Variants in ADGRV1 observed in about 807,000 individuals in gnomAD.
ADGRV1 encodes the protein G-protein coupled receptor 98.
In ADGRV1, 359 loss-of-function variants were observed where a neutral mutation model predicts 596.2. The observed-to-expected ratio is 0.60, with a 90% CI of 0.55 to 0.66. The LOEUF (loss-of-function observed/expected upper bound fraction) is 0.66, where lower values mean the gene tolerates loss of function less well. Among genes scored for constraint, ADGRV1 ranks in the 30% least tolerant of loss-of-function variants. The pLI, the probability that ADGRV1 is intolerant of heterozygous loss-of-function variation, is 0.00. For synonymous variants in ADGRV1, 2,681 were observed against 2,679.2 expected (o/e 1.00, Z -0.02); for missense variants, 7,274 against 7,575.6 (o/e 0.96, Z 1.48).
chr5:90,607,138 G>A (rs1315969831), intron 1 of ADGRV1, among the ~76,000 whole-genome samples: 1 of 152,158 alleles, frequency 6.6e-6, no homozygotes, highest in East Asian at 1.9e-4. Flanking sequence ...GGAAACAGTT[G>A]CAACTCAGTT....
chr5:90,821,821 C>G (rs1763548868), intron 75 of ADGRV1, among the ~76,000 whole-genome samples: 1 of 151,976 alleles, frequency 6.6e-6, no homozygotes, highest in Non-Finnish European at 1.5e-5. Context: ...CTCTTCAAAG[C>G]TGTCAGACAG....
At chr5:90,712,480 T>C (rs2149723078) in intron 42 of ADGRV1, 52 bp downstream of exon 42, 3 of 1,322,464 alleles carry the variant, frequency 2.3e-6, no homozygotes, top group Non-Finnish European at 3.2e-6. Flanking sequence ...CTGGGTTCCT[T>C]AATATGGGGG....
At chr5:90,615,256 T>A (rs1763224511) in intron 2 of ADGRV1, among the ~76,000 whole-genome samples, 1 of 151,986 alleles carries the variant, frequency 6.6e-6, no homozygotes, top group Non-Finnish European at 1.5e-5. Context: ...CATTTTGTAG[T>A]GTTCATATAT....
At chr5:90,814,895 A>G (rs1374919378) in intron 74 of ADGRV1, among the ~76,000 whole-genome samples, 3 of 152,050 alleles carry the variant, frequency 2.0e-5, no homozygotes, top group African/African-American at 7.2e-5. Context: ...ATGCAGTGGT[A>G]TTTCTCTAGT....
At chr5:90,909,854 T>A (rs1772689984) in intron 83 of ADGRV1, among the ~76,000 whole-genome samples, 1 of 152,182 alleles carries the variant, frequency 6.6e-6, no homozygotes, top group African/African-American at 2.4e-5. Flanking sequence ...AGAAATACAG[T>A]TATTTAAAAT....
chr5:90,879,937 C>T (rs897374084), intron 83 of ADGRV1, among the ~76,000 whole-genome samples: 11 of 151,560 alleles, frequency 7.3e-5, no homozygotes, highest in South Asian at 2.1e-4. Context: ...GGTGACAGAG[C>T]GAAACTCTGT....
At chr5:90,938,156 T>G (rs1339254374) in intron 83 of ADGRV1, among the ~76,000 whole-genome samples, 1 of 152,146 alleles carries the variant, frequency 6.6e-6, no homozygotes, top group Non-Finnish European at 1.5e-5. Flanking sequence ...ATTGTGCATC[T>G]TGAACTGAGA....
At position 90,778,581 on chromosome 5, in the gene ADGRV1, A is replaced by G; in HGVS notation, c.12821A>G (p.Glu4274Gly). The G allele has an allele frequency of 6.2e-7, 1 of 1,602,970 alleles. No individual in the cohort carries two copies. The highest frequency in any genetic ancestry group is 8.5e-7 in the Non-Finnish European group (1 of 1,173,644). Residue 4274 changes from glutamate (E) to glycine (G), a missense_variant, in exon 63 of 90, where the codon GAG (glutamate) becomes GGG (glycine). Physicochemically the swap from Glu to Gly is moderately conservative, Grantham distance 98. Around this residue, in one of 5 missense-constraint regions of ADGRV1, gnomAD observed 3,643 missense variants for 3,809.2 expected, o/e 0.96. Coordinates refer to ENST00000405460, the MANE Select transcript of ADGRV1 (RefSeq NM_032119.4). ...SPYGRFAFSH[E>G]QLRVSEAQRV... Reference sequence around the variant, plus strand: ...TATGGCCGATTTGCCTTTTCACATGAGCAACTTCGAGTGTCAGAAGCACAG... The same window carrying G: ...TATGGCCGATTTGCCTTTTCACATGGGCAACTTCGAGTGTCAGAAGCACAG...
At chr5:90,747,386 C>T (rs975245669) in intron 52 of ADGRV1, among the ~76,000 whole-genome samples, 7 of 152,002 alleles carry the variant, frequency 4.6e-5, no homozygotes, top group Admixed American at 3.3e-4. Context: ...TAAGAAGACT[C>T]GCAGGACCTA....
chr5:90,642,642 C>T lies in ADGRV1; in HGVS notation c.2247C>T (p.Asn749=), dbSNP rs558647907. The change falls in exon 12 of 90, where the codon AAC becomes AAT. Residue 749 remains asparagine, a synonymous_variant. Transcript: ENST00000405460. The stretch of plus-strand genomic sequence containing the variant: ...GTCTCTCTGACTTCTCTAGGGTTAA[C>T]GTGGAAAACCAAGTGCTGAAATCTG... ...ETVTLSLDRV[N]VENQVLKSGY... 1.5e-4 allele frequency: 234 copies of T among 1,612,958 alleles called. 3 individuals carry two copies. In the South Asian group the frequency reaches 2.3e-3, roughly 16 times the overall value.
Position 90,728,722 on chromosome 5 carries a change from A to G in ADGRV1, c.10215A>G (p.Arg3405=). The change falls in exon 49 of 90, where the codon CGA becomes CGG. Residue 3405 remains arginine (R), a synonymous_variant. Coordinates refer to ENST00000405460, the MANE Select transcript of ADGRV1 (RefSeq NM_032119.4). ...SFVLHQKLPV[R]GVLTVALFNK... The stretch of plus-strand genomic sequence containing the variant: ...TGTTGCATCAAAAACTCCCTGTCCG[A>G]GGTGTGCTGACCGTGGCCTTGTTCA... 1 of 1,613,738 alleles carries G rather than the reference A, an allele frequency of 6.2e-7. No homozygotes were observed.
chr5:90,668,272 T>C (rs11739825), intron 21 of ADGRV1, among the ~76,000 whole-genome samples: 9,399 of 151,694 alleles, frequency 0.062, 414 homozygotes, highest in Non-Finnish European at 0.089. Context: ...ACTCCATGGG[T>C]GTAGGACCCT....
intron 85 of ADGRV1, among the ~76,000 whole-genome samples, chr5:91,000,468 T>C (rs1781761141): frequency 6.6e-6 from 1 of 152,188 alleles, no homozygotes; most frequent in South Asian, 2.1e-4. Flanking sequence ...TATGAAACTG[T>C]CTTCCAGAAA....
chr5:90,801,828 G>A (rs1761407864), intron 70 of ADGRV1, among the ~76,000 whole-genome samples: 1 of 152,180 alleles, frequency 6.6e-6, no homozygotes, highest in South Asian at 2.1e-4. Context: ...TGTGCTGTAA[G>A]TTTCAAAAAT....
chr5:90,991,134 A>C (rs903558226), intron 85 of ADGRV1, among the ~76,000 whole-genome samples: 3 of 152,202 alleles, frequency 2.0e-5, no homozygotes, highest in African/African-American at 7.2e-5. Flanking sequence ...GAGGACAATG[A>C]AGACATTACT....
In ADGRV1 at chr5:90,651,608, T is replaced by A; in HGVS notation, c.3294T>A (p.Asp1098Glu). 1 of 1,563,482 alleles carries A rather than the reference T, an allele frequency of 6.4e-7. No homozygotes were observed. Among genetic ancestry groups the A allele is most frequent in the Non-Finnish European group, 8.8e-7 (1 of 1,140,204 alleles). The change falls in exon 18 of 90, where the codon GAT becomes GAA. Residue 1098 changes from aspartate to glutamate, a missense_variant. Transcript: ENST00000405460. ...FYIILLNSTG[D>E]TVVYQYGVAT... ...TCTTTTCCACTTTTAATTTAGGTGA[T>A]ACAGTAGTATATCAATATGGAGTAG... is the stretch of plus-strand genomic sequence containing the variant.
At chr5:90,989,224 C>T (rs1433626642) in intron 85 of ADGRV1, among the ~76,000 whole-genome samples, 2 of 152,008 alleles carry the variant, frequency 1.3e-5, no homozygotes, top group East Asian at 3.9e-4. Flanking sequence ...ACACTGACTT[C>T]CACAATGGTT....
Position 90,791,184 on chromosome 5 carries a change from T to G in ADGRV1, c.14355T>G (p.Ile4785Met). 1 of 1,613,974 alleles carries G rather than the reference T, an allele frequency of 6.2e-7. No homozygotes were observed. The highest frequency in any genetic ancestry group is 8.5e-7 in the Non-Finnish European group (1 of 1,179,888). ...AGAACCTTATTAGATCCATCCAAAT[T>G]AACATAACCCGGCTTGCTGGAACAT... is the stretch of plus-strand genomic sequence containing the variant. The part of the protein sequence containing the change: ...IGQNLIRSIQ[I>M]NITRLAGTFG... Residue 4785 changes from isoleucine (I) to methionine (M), a missense_variant, in exon 70 of 90, where the codon ATT becomes ATG. By Grantham distance (10) the Ile-to-Met change is conservative. Transcript: ENST00000405460.
intron 83 of ADGRV1, among the ~76,000 whole-genome samples, chr5:90,912,591 T>C (rs1299722511): frequency 6.6e-6 from 1 of 152,114 alleles, no homozygotes; most frequent in African/African-American, 2.4e-5. Flanking sequence ...TTTATGTCCA[T>C]GAGTACCTAA....
Sources: allele counts gnomAD v4.1 joint callset (sites outside exome capture counted in the v4.1 genomes callset), GRCh38; gene constraint gnomAD v4.1.1; regional missense constraint gnomAD v4.1.1; transcripts MANE v1.5; gene names NCBI Gene and HGNC (gene_info 2026-07-23, HGNC 2026-07-21).